KIF21A: variants seen among roughly 807,000 people sequenced by gnomAD.
KIF21A encodes the protein kinesin-like protein KIF21A.
In KIF21A, 114 loss-of-function variants were observed where a neutral mutation model predicts 202.9. That is an observed-to-expected ratio of 0.56 (90% CI 0.48 to 0.66). The LOEUF (loss-of-function observed/expected upper bound fraction) is 0.66. Ranked by LOEUF, KIF21A falls within the 30% of genes least tolerant of loss-of-function variation. KIF21A has a pLI of 0.00. For missense variants in KIF21A, 1,677 were observed against 1,994.9 expected (o/e 0.84, Z 3.04); for synonymous variants, 667 against 670.8 (o/e 0.99, Z 0.09).
intron 1 of KIF21A, among the ~76,000 whole-genome samples, chr12:39,397,903 G>A (rs1951877180): frequency 1.3e-5 from 2 of 152,212 alleles, no homozygotes; most frequent in South Asian, 4.1e-4. Flanking sequence ...CACAATGGTA[G>A]AATGTGTTCC....
chr12:39,307,841 T>C lies in KIF21A; in HGVS notation c.4278-112A>G, dbSNP rs1943627982. The C allele has an allele frequency of 7.4e-6, 6 of 815,488 alleles. No homozygotes were observed. The Admixed American group carries it at 1.2e-4, about 16-fold the overall frequency. 50.5% of individuals were successfully genotyped at this position (815,488 alleles called of 1,614,324 possible). On this transcript the variant is annotated intron_variant, in intron 33 of 37. Coordinates refer to ENST00000361418, the MANE Select transcript of KIF21A (RefSeq NM_001173464.2). ...TAGGCAACAACAAGAACAGTGTCCTTTTGTCACTATATGTATACTACCTAG... is the reference window on the plus strand; with the variant it reads ...TAGGCAACAACAAGAACAGTGTCCTCTTGTCACTATATGTATACTACCTAG...
intron 17 of KIF21A, among the ~76,000 whole-genome samples, chr12:39,335,044 T>C (rs746723144): frequency 6.6e-6 from 1 of 152,060 alleles, no homozygotes; most frequent in Non-Finnish European, 1.5e-5. Flanking sequence ...ACAAAACATA[T>C]TCTATCTATA....
At chr12:39,325,800 T>C in intron 26 of KIF21A, 39 bp downstream of exon 26, 1 of 1,391,882 alleles carries the variant, frequency 7.2e-7, no homozygotes, top group Non-Finnish European at 1.0e-6. Context: ...CAAATAATGG[T>C]GTAAAACATG....
At chr12:39,397,933 T>TA (rs1226132396) in intron 1 of KIF21A, among the ~76,000 whole-genome samples, 2 of 152,242 alleles carry the variant, frequency 1.3e-5, no homozygotes, top group African/African-American at 2.4e-5. Flanking sequence ...GAGTATGACT[T>TA]ACAAAGTTTT....
At position 39,324,036 on chromosome 12, in the gene KIF21A, G is replaced by A. The variant is rs1308120948; in HGVS notation, c.3457-1154C>T. Among the ~76,000 whole-genome samples, 4 of 151,974 alleles carry A rather than the reference G, an allele frequency of 2.6e-5. No homozygotes were observed. The East Asian group carries it at 7.7e-4, about 29-fold the overall frequency. On this transcript the variant is annotated intron_variant, in intron 26 of 37. Coordinates refer to ENST00000361418, the MANE Select transcript of KIF21A (RefSeq NM_001173464.2). ...GAGGCAGGAGAATGGTGTGAACCCG[G>A]AAGGCGGAGGTTGCAGTGAGCTGAG...
intron 7 of KIF21A, among the ~76,000 whole-genome samples, chr12:39,359,144 A>G (rs1346299589): frequency 6.6e-6 from 1 of 152,202 alleles, no homozygotes; most frequent in Non-Finnish European, 1.5e-5. Flanking sequence ...TCATAATCTT[A>G]GCCTCCTAGT....
Position 39,412,575 on chromosome 12 carries a change from G to T in KIF21A, c.44+30352C>A, listed in dbSNP as rs1176483817. 2.0e-5 allele frequency among the ~76,000 whole-genome samples: 3 copies of T among 152,154 alleles called. No individual in the cohort carries two copies. In the East Asian group the frequency reaches 5.8e-4, roughly 29 times the overall value. On this transcript the variant is annotated intron_variant, in intron 1 of 37. Coordinates refer to ENST00000361418, the MANE Select transcript of KIF21A (RefSeq NM_001173464.2). ...CTACAAAAATACAAAAATTACCCGG[G>T]CATGGTGGCATGTGTCTGTAGTCTC...
rs1159343489 is a variant in KIF21A, at chr12:39,308,071, A to C, written c.4278-342T>G. Among the ~76,000 whole-genome samples, 3 of 152,096 alleles carry C rather than the reference A, an allele frequency of 2.0e-5. No homozygotes were observed. In the East Asian group the frequency reaches 5.8e-4, roughly 29 times the overall value. On this transcript the variant is annotated intron_variant, in intron 33 of 37. Coordinates refer to ENST00000361418, the MANE Select transcript of KIF21A (RefSeq NM_001173464.2). ...TAGATTTTTTTTTAATGTTAAACAT[A>C]AAAAAATCAACAAATGCCTGGGTGT... is the stretch of plus-strand genomic sequence containing the variant.
intron 17 of KIF21A, among the ~76,000 whole-genome samples, chr12:39,334,362 T>C (rs1441874621): frequency 2.6e-5 from 4 of 152,136 alleles, no homozygotes; most frequent in African/African-American, 9.7e-5. Context: ...AGTACTTAAA[T>C]TCTGTTATTT....
intron 11 of KIF21A, among the ~76,000 whole-genome samples, chr12:39,347,761 CTG>C (rs558170621): frequency 2.0e-3 from 307 of 152,134 alleles, no homozygotes; most frequent in Middle Eastern, 6.8e-3. Context: ...CCTAAGAAAT[CTG>C]TGTGTTTCTA....
intron 14 of KIF21A, 46 bp downstream of exon 14, chr12:39,341,459 C>T (rs1273958684): frequency 6.3e-7 from 1 of 1,587,850 alleles, no homozygotes; most frequent in Admixed American, 1.7e-5. Flanking sequence ...ATGGTTTAAA[C>T]AACTTCCCAA....
chr12:39,375,478 T>C (rs1005365398), intron 1 of KIF21A, among the ~76,000 whole-genome samples: 5 of 152,112 alleles, frequency 3.3e-5, no homozygotes, highest in South Asian at 2.1e-4. Context: ...AAGGATAAGG[T>C]AATGTCTTCA....
intron 1 of KIF21A, among the ~76,000 whole-genome samples, chr12:39,397,789 T>C (rs1225902261): frequency 6.6e-6 from 1 of 152,204 alleles, no homozygotes; most frequent in Non-Finnish European, 1.5e-5. Flanking sequence ...AGAGTCTAGC[T>C]CTTCACACAT....
chr12:39,306,590 C>A (rs1049062118), intron 34 of KIF21A, among the ~76,000 whole-genome samples: 2 of 152,102 alleles, frequency 1.3e-5, no homozygotes, highest in African/African-American at 4.8e-5. Flanking sequence ...TTTCAAAAAA[C>A]CATCCATTTG....
In KIF21A at chr12:39,332,702, A is replaced by C. The variant is rs1006504172; in HGVS notation, c.2745T>G (p.Ile915Met). The C allele has an allele frequency of 6.2e-7, 1 of 1,614,100 alleles. No homozygotes were observed. The highest frequency in any genetic ancestry group is 1.3e-5 in the African/African-American group (1 of 75,008). The change falls in exon 20 of 38, where the codon ATT becomes ATG. Residue 915 changes from isoleucine to methionine, a missense_variant. Coordinates refer to ENST00000361418, the MANE Select transcript of KIF21A (RefSeq NM_001173464.2). ...GCCACTTCATGCGAGCTGTCTTGGA[A>C]ATAAACACTCGGCCAGTCAATCCTT... ...QRKGLTGRVF[I>M]SKTARMKWQL...
chr12:39,394,916 C>T (rs1951623054), intron 1 of KIF21A, among the ~76,000 whole-genome samples: 1 of 152,170 alleles, frequency 6.6e-6, no homozygotes, highest in Admixed American at 6.5e-5. Context: ...CACACCAATC[C>T]CTAGCTCCGT....
Position 39,308,515 on chromosome 12 carries a change from G to C in KIF21A, c.4278-786C>G, listed in dbSNP as rs138928141. Reference sequence around the variant, plus strand: ...CAATACTCTTTTGTGTATAAGAATTGCCTTTCTGGATTAAAGACAACGGAG... The same window carrying C: ...CAATACTCTTTTGTGTATAAGAATTCCCTTTCTGGATTAAAGACAACGGAG... On this transcript the variant is annotated intron_variant, in intron 33 of 37. Transcript: ENST00000361418. 8.0e-4 allele frequency among the ~76,000 whole-genome samples: 122 copies of C among 152,200 alleles called. 2 individuals carry two copies. The East Asian group carries it at 0.016, about 20-fold the overall frequency.
chr12:39,428,749 G>A (rs998631090), intron 1 of KIF21A, among the ~76,000 whole-genome samples: 6 of 152,096 alleles, frequency 3.9e-5, no homozygotes, highest in African/African-American at 1.4e-4. Context: ...CATGAGGTCA[G>A]GAGATCGAAA....
At chr12:39,374,879 A>G (rs539260656) in intron 1 of KIF21A, among the ~76,000 whole-genome samples, 11 of 152,276 alleles carry the variant, frequency 7.2e-5, no homozygotes, top group African/African-American at 2.2e-4. Flanking sequence ...GCTGGCTTTT[A>G]AAAGGTTGAA....
Sources: gnomAD v4.1 joint callset for allele counts (sites outside exome capture counted in the v4.1 genomes callset) on GRCh38, gnomAD v4.1.1 for gene constraint, MANE v1.5 for transcripts, NCBI Gene and HGNC (gene_info 2026-07-23, HGNC 2026-07-21) for gene names.